Variants in TFG observed in about 807,000 individuals in gnomAD.
The protein encoded by TFG is trafficking from ER to golgi regulator, also known as protein TFG.
A neutral mutation model predicts 51.4 loss-of-function variants in TFG; 22 were observed. The observed-to-expected ratio is 0.43, with a 90% CI of 0.31 to 0.61. TFG has a LOEUF of 0.61. TFG is among the 20% of genes least tolerant of loss of function. The pLI is 0.12. For missense variants in TFG, 419 were observed against 487.7 expected, an observed-to-expected ratio of 0.86 and a Z score of 1.33; for synonymous variants, 187 against 165.6, an observed-to-expected ratio of 1.13 and a Z score of -0.99.
chr3:100,721,553 T>C (rs917419054), intron 3 of TFG, among the ~76,000 whole-genome samples: 5 of 152,202 alleles, frequency 3.3e-5, no homozygotes, highest in Non-Finnish European at 5.9e-5. Context: ...GGATTCATAA[T>C]TGTGGTCCTT....
At chr3:100,731,342 T>C (rs922642225) in intron 4 of TFG, among the ~76,000 whole-genome samples, 2 of 152,222 alleles carry the variant, frequency 1.3e-5, no homozygotes, top group African/African-American at 2.4e-5. Context: ...CTTGAACTCT[T>C]TTTCTTTCAC....
chr3:100,715,965 T>A (rs1012902667), intron 2 of TFG, among the ~76,000 whole-genome samples: 1 of 152,124 alleles, frequency 6.6e-6, no homozygotes, highest in Non-Finnish European at 1.5e-5. Context: ...ATAATAATTG[T>A]ACATATTTAT....
intron 3 of TFG, among the ~76,000 whole-genome samples, chr3:100,724,701 T>G (rs905495908): frequency 2.0e-5 from 3 of 152,104 alleles, no homozygotes; most frequent in Admixed American, 6.5e-5. Flanking sequence ...TAAGTAATAT[T>G]TACAAATCAA....
intron 5 of TFG, among the ~76,000 whole-genome samples, chr3:100,733,290 C>T (rs1284898453): frequency 4.6e-5 from 7 of 152,164 alleles, no homozygotes; most frequent in Admixed American, 2.0e-4. Flanking sequence ...CATTTTTCTT[C>T]AGTCTTCTCT....
chr3:100,734,430 A>G (rs2095100843), intron 5 of TFG, among the ~76,000 whole-genome samples: 1 of 152,030 alleles, frequency 6.6e-6, no homozygotes, highest in Admixed American at 6.6e-5. Flanking sequence ...TAGCACCTTC[A>G]CTTCCGGGAT....
At chr3:100,717,959 C>G (rs527940043) in intron 2 of TFG, among the ~76,000 whole-genome samples, 1 of 152,166 alleles carries the variant, frequency 6.6e-6, no homozygotes, top group South Asian at 2.1e-4. Flanking sequence ...GGGTCTTGCT[C>G]TGTCTCCCAA....
In TFG at chr3:100,736,632, T is replaced by G; in HGVS notation, c.637T>G (p.Ser213Ala). ...AGGAACACCCGACAGCATTGCTTCC[T>G]CCTCCTCAGCAGCTCACCCACCAGG... ...RSGTPDSIAS[S>A]SSAAHPPGVQ... is the part of the protein sequence containing the mutation. The change falls in exon 6 of 8, where the codon TCC becomes GCC. Residue 213 changes from serine (S) to alanine (A), a missense_variant. Ser to Ala is a moderately conservative substitution (Grantham distance 99). Around this residue, in one of 3 missense-constraint regions of TFG, gnomAD observed 391 missense variants for 434.4 expected, o/e 0.90. Transcript: ENST00000240851. The G allele has an allele frequency of 6.2e-7, 1 of 1,613,928 alleles. No individual in the cohort carries two copies.
intron 2 of TFG, among the ~76,000 whole-genome samples, chr3:100,716,131 C>T (rs2095045226): frequency 6.6e-6 from 1 of 152,076 alleles, no homozygotes; most frequent in Non-Finnish European, 1.5e-5. Context: ...TAACTGTAGT[C>T]ATCCTATAGT....
At chr3:100,731,621 A>G (rs545848442) in intron 4 of TFG, among the ~76,000 whole-genome samples, 205 of 152,258 alleles carry the variant, frequency 1.3e-3, no homozygotes, top group Non-Finnish European at 2.2e-3. Flanking sequence ...GTGGAGTACA[A>G]TCTCAGCTCA....
intron 6 of TFG, among the ~76,000 whole-genome samples, chr3:100,741,680 T>A (rs1003126806): frequency 5.3e-5 from 8 of 152,206 alleles, no homozygotes; most frequent in African/African-American, 1.9e-4. Context: ...TCAACACAAG[T>A]ACCTCACTTG....
At chr3:100,721,307 A>G (rs1188326559) in intron 3 of TFG, among the ~76,000 whole-genome samples, 1 of 152,110 alleles carries the variant, frequency 6.6e-6, no homozygotes, top group Non-Finnish European at 1.5e-5. Flanking sequence ...TAAAGGCCTG[A>G]TGTACCAAAA....
rs2095161584 is a variant in TFG at position 100,748,876 on chromosome 3, GATGTACTA to G, written c.*347_*354del. Reference sequence around the variant, plus strand: ...TTACTTGGCTTTTTACTATTAACATGATGTACTAAAGTAGAGCCCTTTGAGAATACAAG... The same window carrying G: ...TTACTTGGCTTTTTACTATTAACATGAAGTAGAGCCCTTTGAGAATACAAG... On this transcript the variant is annotated 3_prime_UTR_variant, in exon 8 of 8. Transcript: ENST00000240851. 3.8e-6 allele frequency: 1 copy of G among 260,762 alleles called. No individual in the cohort carries two copies. Among genetic ancestry groups the G allele is most frequent in the Admixed American group, 4.8e-5 (1 of 20,812 alleles). 16.2% of individuals were successfully genotyped at this position (260,762 alleles called of 1,614,324 possible). A position where few individuals can be genotyped will look rare whatever the true frequency, so the allele number is the denominator to read the frequency against.
chr3:100,724,408 A>G (rs1479691076), intron 3 of TFG, among the ~76,000 whole-genome samples: 1 of 152,208 alleles, frequency 6.6e-6, no homozygotes, highest in African/African-American at 2.4e-5. Flanking sequence ...CCTTTATTTA[A>G]ATTTGAAAAC....
intron 1 of TFG, among the ~76,000 whole-genome samples, chr3:100,712,158 A>G (rs1257832215): frequency 6.6e-6 from 1 of 152,166 alleles, no homozygotes; most frequent in Non-Finnish European, 1.5e-5. Flanking sequence ...GAGCATGGTG[A>G]GGGGTCTAGA....
intron 3 of TFG, among the ~76,000 whole-genome samples, chr3:100,724,592 A>G (rs2095069763): frequency 6.6e-6 from 1 of 152,246 alleles, no homozygotes. Flanking sequence ...AAGAGGGAAT[A>G]TACACTAATT....
intron 6 of TFG, among the ~76,000 whole-genome samples, chr3:100,738,556 A>G (rs2095112902): frequency 6.6e-6 from 1 of 152,372 alleles, no homozygotes; most frequent in East Asian, 1.9e-4. Flanking sequence ...GCGAAAGGAC[A>G]TACAGTGAAA....
At chr3:100,715,606 G>C (rs2095043584) in intron 2 of TFG, among the ~76,000 whole-genome samples, 1 of 152,148 alleles carries the variant, frequency 6.6e-6, no homozygotes, top group Non-Finnish European at 1.5e-5. Flanking sequence ...ACAAATTTTT[G>C]AGAGTTGCCC....
At position 100,728,874 on chromosome 3, in the gene TFG, A is replaced by T; in HGVS notation, c.415+16A>T. ...CCTGAAAATGGTAAACCCTGAATCC[A>T]TTGTATTCTGACTTATTGTTCTTAC... On this transcript the variant is annotated intron_variant, in intron 4 of 7. Transcript: ENST00000240851. 1 of 1,584,628 alleles carries T rather than the reference A, an allele frequency of 6.3e-7. No homozygotes were observed. The highest frequency in any genetic ancestry group is 8.6e-7 in the Non-Finnish European group (1 of 1,168,228).
chr3:100,729,360 ATAAT>A (rs1286517239), intron 4 of TFG, among the ~76,000 whole-genome samples: 3 of 152,220 alleles, frequency 2.0e-5, no homozygotes, highest in African/African-American at 7.2e-5. Flanking sequence ...GTTTTTAATA[ATAAT>A]TAAAGAAAAA....
Sources: gnomAD v4.1 joint callset for allele counts (sites outside exome capture counted in the v4.1 genomes callset) on GRCh38, gnomAD v4.1.1 for gene constraint, gnomAD v4.1.1 regional missense constraint, MANE v1.5 for transcripts, NCBI Gene and HGNC (gene_info 2026-07-23, HGNC 2026-07-21) for gene names.